The following LOXL3 variants were observed in gnomAD, a reference collection of about 807,000 sequenced individuals.
LOXL3 encodes the protein lysyl oxidase like 3, also known as lysyl oxidase homolog 3.
In LOXL3, 60 loss-of-function variants were observed where a neutral mutation model predicts 91.8. The observed-to-expected ratio is 0.65, with a 90% CI of 0.53 to 0.81. LOXL3 has a LOEUF of 0.81. LOXL3 is among the 30% of genes least tolerant of loss of function. The pLI is 0.00. For missense variants in LOXL3, 874 were observed against 1,000.4 expected (o/e 0.87, Z 1.70); for synonymous variants, 355 against 387.6 (o/e 0.92, Z 0.99).
intron 4 of LOXL3, among the ~76,000 whole-genome samples, chr2:74,545,399 T>C (rs1373891865): frequency 6.6e-6 from 1 of 152,222 alleles, no homozygotes; most frequent in Non-Finnish European, 1.5e-5. Context: ...CCTTTATTTG[T>C]AATTTTTCTA....
At chr2:74,553,439 C>T (rs914052607) in intron 1 of LOXL3, among the ~76,000 whole-genome samples, 2 of 152,186 alleles carry the variant, frequency 1.3e-5, no homozygotes, top group African/African-American at 4.8e-5. Flanking sequence ...AGGGTTGTCC[C>T]AGCCTCCTGC....
intron 4 of LOXL3, among the ~76,000 whole-genome samples, chr2:74,544,781 G>A (rs1676510867): frequency 6.6e-6 from 1 of 152,132 alleles, no homozygotes; most frequent in Non-Finnish European, 1.5e-5. Context: ...AAGGAGGGGA[G>A]AGTTGTTTAC....
At chr2:74,541,177 G>C (rs1676306355) in intron 4 of LOXL3, among the ~76,000 whole-genome samples, 1 of 152,080 alleles carries the variant, frequency 6.6e-6, no homozygotes, top group African/African-American at 2.4e-5. Context: ...ATTATGTTAG[G>C]TATTATAAGT....
Position 74,532,942 on chromosome 2 carries a change from G to A in LOXL3, c.*664C>T, listed in dbSNP as rs1251760357. ...TTGGCAGTGCAGATCCGGCGGGGAC[G>A]AGAAACACTGACCTTATATGTGACC... On this transcript the variant is annotated 3_prime_UTR_variant, in exon 14 of 14. Transcript: ENST00000264094. 21 of 1,613,860 alleles carry A rather than the reference G, an allele frequency of 1.3e-5. No homozygotes were observed. Among genetic ancestry groups the A allele is most frequent in the Admixed American group, 1.7e-5 (1 of 59,990 alleles).
Position 74,534,792 on chromosome 2 carries a change from G to C in LOXL3, c.1580-18C>G, listed in dbSNP as rs756038574. ...TGATGCAGCTGCACCAAGAAAGGAAGGGGGTGTTAGAAGTCACTGCTGACT... is the reference window on the plus strand; with the variant it reads ...TGATGCAGCTGCACCAAGAAAGGAACGGGGTGTTAGAAGTCACTGCTGACT... On this transcript the variant is annotated intron_variant, in intron 9 of 13. Transcript: ENST00000264094. 6.2e-7 allele frequency: 1 copy of C among 1,605,796 alleles called. No homozygotes were observed. Among genetic ancestry groups the C allele is most frequent in the Non-Finnish European group, 8.5e-7 (1 of 1,174,174 alleles).
rs189987580 is a variant in LOXL3, at chr2:74,542,163, C to T, written c.693-5235G>A. ...TAAAAATTAGCCGGGTGTGGTGGCT[C>T]GAGCCTGTAGTTCCAGCTACTCAGG... is the stretch of plus-strand genomic sequence containing the variant. On this transcript the variant is annotated intron_variant, in intron 4 of 13. Transcript: ENST00000264094. Among the ~76,000 whole-genome samples the T allele has an allele frequency of 2.8e-3, 420 of 151,790 alleles. 2 individuals are homozygous for T. Among genetic ancestry groups the T allele is most frequent in the Admixed American group, 6.5e-3 (99 of 15,210 alleles).
Position 74,549,133 on chromosome 2 carries a change from G to A in LOXL3, c.692+236C>T. 2.5e-6 allele frequency: 1 copy of A among 398,596 alleles called. No individual in the cohort carries two copies. The highest frequency in any genetic ancestry group is 4.4e-6 in the Non-Finnish European group (1 of 229,492). 24.7% of individuals were successfully genotyped at this position (398,596 alleles called of 1,614,324 possible). A position where few individuals can be genotyped will look rare whatever the true frequency, so the allele number is the denominator to read the frequency against. On this transcript the variant is annotated intron_variant, in intron 4 of 13. Coordinates refer to ENST00000264094, the MANE Select transcript of LOXL3 (RefSeq NM_032603.5). This position sits in a 1 kb window ranked among gnomAD's most constrained non-coding sequence, Gnocchi z 5.3. ...GAATCCGCCTGCCCGCCCAGGCGTCGGCCACGAGAGAGCGGGAGCCTCGCT... is the reference window on the plus strand; with the variant it reads ...GAATCCGCCTGCCCGCCCAGGCGTCAGCCACGAGAGAGCGGGAGCCTCGCT...
In LOXL3 at chr2:74,536,160, G is replaced by A. The variant is rs1413820079; in HGVS notation, c.1094-10C>T. 3 of 1,613,204 alleles carry A rather than the reference G, an allele frequency of 1.9e-6. No individual in the cohort carries two copies. The African/African-American group carries it at 4.0e-5, about 21-fold the overall frequency. On this transcript the variant is annotated splice_polypyrimidine_tract_variant and intron_variant, in intron 6 of 13. Transcript: ENST00000264094. This position sits in a 1 kb window ranked among gnomAD's most constrained non-coding sequence, Gnocchi z 4.5. ...TGGATAGCACCCATGCCTAGGGCCA[G>A]ATGGCAAAGATCAGGAAGTTGTAAT...
rs538765615 is a variant in LOXL3 at position 74,539,441 on chromosome 2, A to C, written c.693-2513T>G. Among the ~76,000 whole-genome samples the C allele has an allele frequency of 2.1e-4, 32 of 152,106 alleles. 1 individual carries two copies. Among genetic ancestry groups the C allele is most frequent in the Non-Finnish European group, 4.3e-4 (29 of 67,986 alleles). On this transcript the variant is annotated intron_variant, in intron 4 of 13. Transcript: ENST00000264094. The stretch of plus-strand genomic sequence containing the variant: ...TTGGGAAGGGGAGAAGGGAAGAGGA[A>C]AGGTGGAGAGGGGAGAGAATGGGAA...
rs17010022 is a variant in LOXL3 at position 74,536,131 on chromosome 2, C to G, written c.1113G>C (p.Leu371=). ...CCTGTCCAGAGCAGCGAACTTCACT[C>G]AGGTGGATAGCACCCATGCCTAGGG... ...RMGQGMGAIH[L]SEVRCSGQEL... Residue 371 remains leucine, a synonymous_variant, in exon 7 of 14, where the codon CTG becomes CTC. Transcript: ENST00000264094. This position sits in a 1 kb window ranked among gnomAD's most constrained non-coding sequence, Gnocchi z 4.5. The G allele has an allele frequency of 0.016, 25,153 of 1,613,850 alleles. 2,773 individuals carry two copies. In the East Asian group the frequency reaches 0.27, roughly 18 times the overall value.
chr2:74,536,950 G>A lies in LOXL3; in HGVS notation c.693-22C>T, dbSNP rs547029467. 17 of 1,602,556 alleles carry A rather than the reference G, an allele frequency of 1.1e-5. No individual in the cohort carries two copies. In the South Asian group the frequency reaches 1.4e-4, roughly 14 times the overall value. On this transcript the variant is annotated intron_variant, in intron 4 of 13. Transcript: ENST00000264094. The surrounding 1 kb of genome is among the most constrained non-coding windows in gnomAD (Gnocchi z 4.5). ...CAGCCTAGGGGGACAGGAGTGAGGTGCAGTAGGGTAAAACAATGCTCCTGC... is the reference window on the plus strand; with the variant it reads ...CAGCCTAGGGGGACAGGAGTGAGGTACAGTAGGGTAAAACAATGCTCCTGC...
intron 9 of LOXL3, among the ~76,000 whole-genome samples, chr2:74,534,991 G>C (rs890795268): frequency 2.6e-5 from 4 of 152,186 alleles, no homozygotes; most frequent in Non-Finnish European, 4.4e-5. Flanking sequence ...TGATTCTCCT[G>C]CCTCAGCCTC....
At chr2:74,545,778 G>C (rs1439081545) in intron 4 of LOXL3, among the ~76,000 whole-genome samples, 3 of 152,014 alleles carry the variant, frequency 2.0e-5, no homozygotes, top group Admixed American at 6.5e-5. Flanking sequence ...TCTCCCCAAG[G>C]TTCAGTCTCT....
Position 74,535,237 on chromosome 2 carries a change from A to G in LOXL3, c.1579+55T>C. ...AGATTACAGCCCCCTTTCCCTGCAA[A>G]CGGGTGGCCCAGACACTCCCTTCCC... On this transcript the variant is annotated intron_variant, in intron 9 of 13. Transcript: ENST00000264094. The surrounding 1 kb of genome is among the most constrained non-coding windows in gnomAD (Gnocchi z 4.2). The G allele has an allele frequency of 2.6e-6, 4 of 1,555,818 alleles. No individual in the cohort carries two copies. Among genetic ancestry groups the G allele is most frequent in the Non-Finnish European group, 3.5e-6 (4 of 1,150,304 alleles).
intron 4 of LOXL3, among the ~76,000 whole-genome samples, chr2:74,541,171 T>C (rs367738332): frequency 1.5e-4 from 23 of 152,236 alleles, no homozygotes; most frequent in South Asian, 6.2e-4. Context: ...ATTTACATTA[T>C]GTTAGGTATT....
Position 74,549,623 on chromosome 2 carries a change from C to T in LOXL3, c.478-40G>A, listed in dbSNP as rs1676865106. The T allele has an allele frequency of 1.3e-6, 2 of 1,577,026 alleles. No individual in the cohort carries two copies. Among genetic ancestry groups the T allele is most frequent in the Non-Finnish European group, 1.7e-6 (2 of 1,156,300 alleles). Reference sequence around the variant, plus strand: ...ACAAGCAGGGAAAGAATCCCAGTGGCACCTTTCATGTGTCCCGCCGCCCTT... The same window carrying T: ...ACAAGCAGGGAAAGAATCCCAGTGGTACCTTTCATGTGTCCCGCCGCCCTT... On this transcript the variant is annotated intron_variant, in intron 3 of 13. Coordinates refer to ENST00000264094, the MANE Select transcript of LOXL3 (RefSeq NM_032603.5). The surrounding 1 kb of genome is among the most constrained non-coding windows in gnomAD (Gnocchi z 5.3).
In LOXL3 at chr2:74,549,226, T is replaced by G; in HGVS notation, c.692+143A>C. The G allele has an allele frequency of 1.1e-6, 1 of 927,866 alleles. No homozygotes were observed. The highest frequency in any genetic ancestry group is 1.5e-6 in the Non-Finnish European group (1 of 648,182). 57.5% of individuals were successfully genotyped at this position (927,866 alleles called of 1,614,324 possible). A position where few individuals can be genotyped will look rare whatever the true frequency, so the allele number is the denominator to read the frequency against. Reference sequence around the variant, plus strand: ...CCACAAGATTTCCCAACTCTCCAGCTTTGCAACGGCCTCCATATTTTCCCG... The same window carrying G: ...CCACAAGATTTCCCAACTCTCCAGCGTTGCAACGGCCTCCATATTTTCCCG... On this transcript the variant is annotated intron_variant, in intron 4 of 13. Coordinates refer to ENST00000264094, the MANE Select transcript of LOXL3 (RefSeq NM_032603.5). The surrounding 1 kb of genome is among the most constrained non-coding windows in gnomAD (Gnocchi z 5.3).
chr2:74,537,690 G>C (rs569081779), intron 4 of LOXL3, among the ~76,000 whole-genome samples: 4 of 152,212 alleles, frequency 2.6e-5, no homozygotes, highest in Non-Finnish European at 5.9e-5. Flanking sequence ...CAATTTCAAC[G>C]TAACAGTGTC....
rs1481037984 is a variant in LOXL3, at chr2:74,533,924, T to G, written c.2146A>C (p.Lys716Gln). Residue 716 changes from lysine (K) to glutamine (Q), a missense_variant, in exon 13 of 14, where the codon AAA (lysine) becomes CAA (glutamine). Lys to Gln is a moderately conservative substitution (Grantham distance 53, BLOSUM62 1). Transcript: ENST00000264094. Reference sequence around the variant, plus strand: ...ACCCAGATTCTATGTCCATCATATTTGCAGTTACATTTCATTGCATTGTTG... The same window carrying G: ...ACCCAGATTCTATGTCCATCATATTGGCAGTTACATTTCATTGCATTGTTG... ...FTNNAMKCNC[K>Q]YDGHRIWVHN... is the part of the protein sequence containing the mutation. The G allele has an allele frequency of 3.1e-6, 5 of 1,614,078 alleles. No individual in the cohort carries two copies. In the African/African-American group the frequency reaches 6.7e-5, roughly 22 times the overall value.
Sources: allele counts gnomAD v4.1 joint callset (sites outside exome capture counted in the v4.1 genomes callset), GRCh38; gene constraint gnomAD v4.1.1; non-coding constraint Gnocchi (gnomAD v3.1); transcripts MANE v1.5; gene names NCBI Gene and HGNC (gene_info 2026-07-23, HGNC 2026-07-21).